Variants in CSMD1 observed in about 807,000 individuals in gnomAD.
The protein encoded by CSMD1 is CUB and sushi domain-containing protein 1.
A neutral mutation model predicts 417.5 loss-of-function variants in CSMD1; 213 were observed. The ratio of observed to expected loss-of-function variants is 0.51; its 90% CI spans 0.46 to 0.57. CSMD1 has a LOEUF of 0.57. Ranked by LOEUF, CSMD1 falls within the 20% of genes least tolerant of loss-of-function variation. The probability of loss-of-function intolerance (pLI) is 0.00; values close to 1 mark genes in which losing one functional copy is unlikely to be tolerated. For missense variants in CSMD1, 6,923 were observed against 4,529.7 expected (o/e 1.53, Z -15.17); for synonymous variants, 2,862 against 1,736.8 (o/e 1.65, Z -16.11).
chr8:3,606,992 G>C (rs1048171066), intron 8 of CSMD1, among the ~76,000 whole-genome samples: 6 of 152,112 alleles, frequency 3.9e-5, no homozygotes, highest in Admixed American at 2.0e-4. Flanking sequence ...TTACAAGCGT[G>C]AGCCGCCGTG....
At chr8:4,736,149 G>C (rs756988879) in intron 1 of CSMD1, among the ~76,000 whole-genome samples, 3 of 152,108 alleles carry the variant, frequency 2.0e-5, no homozygotes, top group African/African-American at 7.2e-5. Flanking sequence ...AACTCATTCT[G>C]TCACCCTAAT....
At position 4,019,459 on chromosome 8, in the gene CSMD1, G is replaced by T. The variant is rs200365896; in HGVS notation, c.610+12446C>A. Among the ~76,000 whole-genome samples the T allele has an allele frequency of 2.8e-4, 6 of 21,708 alleles. No individual in the cohort carries two copies. The East Asian group carries it at 5.3e-3, about 19-fold the overall frequency. 14.2% of individuals were successfully genotyped at this position (21,708 alleles called of 152,430 possible). A position where few individuals can be genotyped will look rare whatever the true frequency, so the allele number is the denominator to read the frequency against. On this transcript the variant is annotated intron_variant, in intron 4 of 69. Transcript: ENST00000635120. ...AAGGAAGGGAACATTCCCTTATTAG[G>T]GCCCTTATTAGGGCCCACTGTTTTA...
At chr8:3,972,936 G>A (rs1179567815) in intron 5 of CSMD1, among the ~76,000 whole-genome samples, 1 of 151,978 alleles carries the variant, frequency 6.6e-6, no homozygotes, top group Non-Finnish European at 1.5e-5. Flanking sequence ...AGGAAATGAA[G>A]GAAATAAAAT....
chr8:3,751,768 C>T (rs1664578025), intron 6 of CSMD1, among the ~76,000 whole-genome samples: 1 of 152,054 alleles, frequency 6.6e-6, no homozygotes, highest in African/African-American at 2.4e-5. Flanking sequence ...ACCTTTCTTT[C>T]AATTACAGAT....
At chr8:3,773,805 T>G (rs1315872790) in intron 5 of CSMD1, among the ~76,000 whole-genome samples, 1 of 152,176 alleles carries the variant, frequency 6.6e-6, no homozygotes, top group East Asian at 1.9e-4. Flanking sequence ...CAGGCCCATC[T>G]ACATGCTTCA....
chr8:3,696,952 G>C (rs1426220355), intron 7 of CSMD1, among the ~76,000 whole-genome samples: 1 of 152,088 alleles, frequency 6.6e-6, no homozygotes, highest in African/African-American at 2.4e-5. Context: ...GGGCCACGTG[G>C]ACTATAGAGT....
At chr8:3,169,669 T>G (rs568589202) in intron 37 of CSMD1, among the ~76,000 whole-genome samples, 1 of 152,312 alleles carries the variant, frequency 6.6e-6, no homozygotes, top group South Asian at 2.1e-4. Flanking sequence ...ATTTATATTT[T>G]TATCACAATA....
At chr8:3,049,868 G>A (rs567910627) in intron 50 of CSMD1, among the ~76,000 whole-genome samples, 31 of 151,998 alleles carry the variant, frequency 2.0e-4, no homozygotes, top group African/African-American at 6.8e-4. Context: ...TGTTGCGGAC[G>A]GTGTGTTTTA....
At chr8:3,403,963 A>T (rs1812192828) in intron 15 of CSMD1, among the ~76,000 whole-genome samples, 1 of 152,210 alleles carries the variant, frequency 6.6e-6, no homozygotes, top group African/African-American at 2.4e-5. Context: ...CCTTCTATTT[A>T]TCAATATTTC....
chr8:3,992,215 T>C (rs1475217214), intron 5 of CSMD1, among the ~76,000 whole-genome samples: 2 of 151,982 alleles, frequency 1.3e-5, no homozygotes, highest in African/African-American at 4.8e-5. Flanking sequence ...TTCCCATTTA[T>C]GCTATACTAA....
chr8:3,940,129 T>C (rs1263491938), intron 5 of CSMD1, among the ~76,000 whole-genome samples: 2 of 152,156 alleles, frequency 1.3e-5, no homozygotes, highest in Admixed American at 1.3e-4. Flanking sequence ...AAGTAAATAG[T>C]ACTACTATAC....
chr8:4,268,188 C>G (rs182396189), intron 3 of CSMD1, among the ~76,000 whole-genome samples: 344 of 152,234 alleles, frequency 2.3e-3, no homozygotes, highest in African/African-American at 7.9e-3. Context: ...TCTGTATCAA[C>G]TCACCATAAA....
At chr8:4,297,063 G>A (rs1797725270) in intron 3 of CSMD1, among the ~76,000 whole-genome samples, 1 of 136,222 alleles carries the variant, frequency 7.3e-6, no homozygotes, top group African/African-American at 2.8e-5. Flanking sequence ...ATGGTCGGAT[G>A]GGTTAGATAG....
chr8:3,277,991 C>G (rs143629850), intron 26 of CSMD1, among the ~76,000 whole-genome samples: 35 of 152,238 alleles, frequency 2.3e-4, no homozygotes, highest in African/African-American at 7.9e-4. Flanking sequence ...TCGTGGGTAT[C>G]TTAATGTTTG....
At chr8:3,790,586 T>A (rs1290464622) in intron 5 of CSMD1, among the ~76,000 whole-genome samples, 2 of 152,152 alleles carry the variant, frequency 1.3e-5, no homozygotes, top group African/African-American at 4.8e-5. Context: ...TTTTTTATGT[T>A]TTTGGCATAC....
chr8:3,017,005 G>A (rs1042986479), intron 52 of CSMD1, among the ~76,000 whole-genome samples: 12 of 152,198 alleles, frequency 7.9e-5, no homozygotes, highest in Non-Finnish European at 1.0e-4. Context: ...TATGTAAACT[G>A]AATGTATCAC....
Position 3,485,995 on chromosome 8 carries a change from A to ATTTTTTTCC in CSMD1, c.1448+7619_1448+7627dup, listed in dbSNP as rs1475187812. 1.2e-4 allele frequency among the ~76,000 whole-genome samples: 19 copies of ATTTTTTTCC among 152,010 alleles called. 1 individual carries two copies. In the South Asian group the frequency reaches 3.7e-3, roughly 30 times the overall value. On this transcript the variant is annotated intron_variant, in intron 11 of 69. Transcript: ENST00000635120. ...GGGGTTCAATGAGCGATTAGGCAGC[A>ATTTTTTTCC]TTTTTTTCCTCAGTGACTATCGATT...
chr8:4,761,041 T>C (rs1027835227), intron 1 of CSMD1, among the ~76,000 whole-genome samples: 1 of 152,208 alleles, frequency 6.6e-6, no homozygotes, highest in Non-Finnish European at 1.5e-5. Context: ...CAGTATGTTG[T>C]ATCTCGGAGC....
At chr8:4,202,266 T>C (rs1337621454) in intron 3 of CSMD1, among the ~76,000 whole-genome samples, 1 of 152,166 alleles carries the variant, frequency 6.6e-6, no homozygotes, top group East Asian at 1.9e-4. Flanking sequence ...AAGATTTTAT[T>C]CATGTTACTG....
Sources: gnomAD v4.1 joint callset for allele counts (sites outside exome capture counted in the v4.1 genomes callset) on GRCh38, gnomAD v4.1.1 for gene constraint, MANE v1.5 for transcripts, NCBI Gene and HGNC (gene_info 2026-07-23, HGNC 2026-07-21) for gene names.